Variants in GRIK2 observed in about 807,000 individuals in gnomAD.
GRIK2 encodes glutamate ionotropic receptor kainate type subunit 2.
GRIK2 carries 32 observed loss-of-function variants against 100.3 expected under a neutral mutation model. The ratio of observed to expected loss-of-function variants is 0.32; its 90% confidence interval spans 0.24 to 0.43. The LOEUF (loss-of-function observed/expected upper bound fraction) is 0.43. Among genes scored for constraint, GRIK2 ranks in the 20% least tolerant of loss-of-function variants. The pLI is 1.00. For missense variants in GRIK2, 843 were observed against 1,114.9 expected (o/e 0.76, Z 3.47); for synonymous variants, 417 against 389.4 (o/e 1.07, Z -0.83).
chr6:101,458,863 CTT>C (rs1172880786), intron 2 of GRIK2, among the ~76,000 whole-genome samples: 6 of 152,238 alleles, frequency 3.9e-5, no homozygotes, highest in Admixed American at 2.6e-4. Flanking sequence ...TTTAAACTGA[CTT>C]TTAATCCATG....
At chr6:101,936,379 T>G (rs921467375) in intron 14 of GRIK2, among the ~76,000 whole-genome samples, 3 of 152,106 alleles carry the variant, frequency 2.0e-5, no homozygotes, top group African/African-American at 7.2e-5. Flanking sequence ...CGTGGTAGTA[T>G]TTTGTTCAAT....
At chr6:101,640,166 T>A (rs2128324045) in intron 4 of GRIK2, among the ~76,000 whole-genome samples, 1 of 152,304 alleles carries the variant, frequency 6.6e-6, no homozygotes, top group Admixed American at 6.5e-5. Context: ...GGGCTACTGT[T>A]AAAACTAAAG....
chr6:101,945,405 A>G (rs1176595205), intron 14 of GRIK2, among the ~76,000 whole-genome samples: 1 of 152,120 alleles, frequency 6.6e-6, no homozygotes, highest in Non-Finnish European at 1.5e-5. Flanking sequence ...TCATTCCATG[A>G]TTATTCTCCA....
intron 12 of GRIK2, among the ~76,000 whole-genome samples, chr6:101,913,757 A>G (rs2518280): frequency 0.85 from 128,540 of 151,186 alleles, 54,775 homozygotes; most frequent in East Asian, 0.94. Context: ...AACAAAGTAA[A>G]GAGATCTTAA....
chr6:101,429,620 T>C (rs1438599962), intron 2 of GRIK2, among the ~76,000 whole-genome samples: 1 of 152,142 alleles, frequency 6.6e-6, no homozygotes, highest in East Asian at 1.9e-4. Flanking sequence ...AAGAGGTCTC[T>C]GGCCTATAAG....
chr6:101,765,730 T>A (rs906129770), intron 7 of GRIK2, among the ~76,000 whole-genome samples: 1 of 152,148 alleles, frequency 6.6e-6, no homozygotes, highest in African/African-American at 2.4e-5. Context: ...GAAGCGGAAA[T>A]TAATTTTATA....
At chr6:102,033,182 T>G (rs1770086924) in intron 14 of GRIK2, among the ~76,000 whole-genome samples, 1 of 151,318 alleles carries the variant, frequency 6.6e-6, no homozygotes, top group Non-Finnish European at 1.5e-5. Flanking sequence ...ATCTAGCACA[T>G]GCTAAAATTT....
chr6:102,014,666 G>C (rs1198906535), intron 14 of GRIK2, among the ~76,000 whole-genome samples: 1 of 151,980 alleles, frequency 6.6e-6, no homozygotes, highest in Non-Finnish European at 1.5e-5. Flanking sequence ...AGAACTTCTT[G>C]ATTTCTGCCT....
At position 101,484,211 on chromosome 6, in the gene GRIK2, A is replaced by G. The variant is rs975839196; in HGVS notation, c.115+84819A>G. Reference sequence around the variant, plus strand: ...TTGCTTGGCTCTTTTGATAGCACATATGAATAATTCACCATCCATATTTAA... The same window carrying G: ...TTGCTTGGCTCTTTTGATAGCACATGTGAATAATTCACCATCCATATTTAA... On this transcript the variant is annotated intron_variant, in intron 2 of 16. Coordinates refer to ENST00000369134, the MANE Select transcript of GRIK2 (RefSeq NM_021956.5). Among the ~76,000 whole-genome samples, 7 of 152,160 alleles carry G rather than the reference A, an allele frequency of 4.6e-5. 1 individual carries two copies. The highest frequency in any genetic ancestry group is 1.0e-4 in the Non-Finnish European group (7 of 68,030).
At chr6:101,601,207 T>G (rs968668591) in intron 2 of GRIK2, among the ~76,000 whole-genome samples, 1 of 151,750 alleles carries the variant, frequency 6.6e-6, no homozygotes, top group Non-Finnish European at 1.5e-5. Flanking sequence ...GGTTTTTGGT[T>G]TTAAATCTTT....
At chr6:101,449,628 A>G (rs1582475025) in intron 2 of GRIK2, among the ~76,000 whole-genome samples, 1 of 151,700 alleles carries the variant, frequency 6.6e-6, no homozygotes, top group Non-Finnish European at 1.5e-5. Context: ...TCTAATGATA[A>G]TAAACTGGTG....
At chr6:102,055,719 C>T (rs1002006266) in intron 16 of GRIK2, 139 bp downstream of exon 16, 1 of 578,968 alleles carries the variant, frequency 1.7e-6, no homozygotes, top group Non-Finnish European at 3.0e-6. Flanking sequence ...TCATTCATTA[C>T]ATAACAAAAT....
At chr6:101,961,821 A>G (rs765383315) in intron 14 of GRIK2, among the ~76,000 whole-genome samples, 1 of 152,078 alleles carries the variant, frequency 6.6e-6, no homozygotes, top group Non-Finnish European at 1.5e-5. Flanking sequence ...CTGCTGTCCA[A>G]GTAGATTCTA....
At chr6:101,578,164 A>C (rs1426608991) in intron 2 of GRIK2, among the ~76,000 whole-genome samples, 1 of 152,176 alleles carries the variant, frequency 6.6e-6, no homozygotes, top group Non-Finnish European at 1.5e-5. Context: ...AGGGATGCAC[A>C]GGTTTATTTA....
chr6:101,797,160 A>G (rs1044745108), intron 7 of GRIK2, among the ~76,000 whole-genome samples: 3 of 151,466 alleles, frequency 2.0e-5, no homozygotes, highest in African/African-American at 7.3e-5. Flanking sequence ...TTTTTCCATA[A>G]TAGATCAACA....
intron 14 of GRIK2, among the ~76,000 whole-genome samples, chr6:101,970,268 T>C (rs1792960740): frequency 6.6e-6 from 1 of 151,780 alleles, no homozygotes; most frequent in African/African-American, 2.4e-5. Flanking sequence ...AGCTTCAACA[T>C]TTTAATTTAG....
intron 14 of GRIK2, among the ~76,000 whole-genome samples, chr6:101,931,038 C>A (rs1790242248): frequency 6.6e-6 from 1 of 152,082 alleles, no homozygotes; most frequent in South Asian, 2.1e-4. Flanking sequence ...GTTCTATTTT[C>A]CTACTGAAAC....
At chr6:101,657,829 T>C (rs1769303677) in intron 4 of GRIK2, among the ~76,000 whole-genome samples, 1 of 151,960 alleles carries the variant, frequency 6.6e-6, no homozygotes, top group South Asian at 2.1e-4. Context: ...TCCAGGGAAA[T>C]AAATAATAGA....
In GRIK2 at chr6:101,488,558, T is replaced by C. The variant is rs542652278; in HGVS notation, c.115+89166T>C. Reference sequence around the variant, plus strand: ...TTGGGAATTGTTCCAGTTAATATATTGATCGATAGATGGATGTCTTCATTG... The same window carrying C: ...TTGGGAATTGTTCCAGTTAATATATCGATCGATAGATGGATGTCTTCATTG... On this transcript the variant is annotated intron_variant, in intron 2 of 16. Coordinates refer to ENST00000369134, the MANE Select transcript of GRIK2 (RefSeq NM_021956.5). Among the ~76,000 whole-genome samples, 161 of 146,686 alleles carry C rather than the reference T, an allele frequency of 1.1e-3. 22 individuals carry two copies. The highest frequency in any genetic ancestry group is 4.1e-3 in the African/African-American group (157 of 38,628).
Sources: allele counts gnomAD v4.1 joint callset (sites outside exome capture counted in the v4.1 genomes callset), GRCh38; gene constraint gnomAD v4.1.1; transcripts MANE v1.5; gene names NCBI Gene and HGNC (gene_info 2026-07-23, HGNC 2026-07-21).